PHACTR4: variants seen among roughly 807,000 people sequenced by gnomAD.
PHACTR4 encodes the protein protein phosphatase 1, regulatory subunit 124.
Under a neutral mutation model 72.7 loss-of-function variants are expected in PHACTR4, and 51 were observed. The observed-to-expected ratio is 0.70, with a 90% confidence interval of 0.56 to 0.89. The LOEUF is 0.89. PHACTR4 is among the 40% of genes least tolerant of loss of function. The pLI is 0.00. For synonymous variants in PHACTR4, 255 were observed against 302.5 expected, an observed-to-expected ratio of 0.84 and a Z score of 1.63; for missense variants, 731 against 861.8, an observed-to-expected ratio of 0.85 and a Z score of 1.90.
chr1:28,474,257 C>T (rs1659774745), intron 7 of PHACTR4, 106 bp downstream of exon 7: 2 of 1,051,004 alleles, frequency 1.9e-6, no homozygotes, highest in African/African-American at 1.6e-5. Flanking sequence ...TAGTGGCCCA[C>T]ACCTGTAAGC....
chr1:28,410,575 C>T (rs1364600611), intron 2 of PHACTR4, among the ~76,000 whole-genome samples: 2 of 151,958 alleles, frequency 1.3e-5, no homozygotes, highest in East Asian at 1.9e-4. Context: ...GGAGTATCAA[C>T]GTGAGAGTTG....
At position 28,444,749 on chromosome 1, in the gene PHACTR4, A is replaced by G. The variant is rs1288988652; in HGVS notation, c.17-14336A>G. Among the ~76,000 whole-genome samples the G allele has an allele frequency of 1.2e-3, 167 of 143,552 alleles. 1 individual carries two copies. Among genetic ancestry groups the G allele is most frequent in the African/African-American group, 3.5e-3 (137 of 38,732 alleles). 94.2% of individuals were successfully genotyped at this position (143,552 alleles called of 152,430 possible). On this transcript the variant is annotated intron_variant, in intron 2 of 13. Coordinates refer to ENST00000373839, the MANE Select transcript of PHACTR4 (RefSeq NM_001048183.3). ...TCCTGCCTCAGCCTCCCAAGTAGCT[A>G]GGACTACAGGCGCCTGCCACCGCAC...
At chr1:28,489,934 G>A (rs764609200) in intron 10 of PHACTR4, 1 of 517,088 alleles carries the variant, frequency 1.9e-6, no homozygotes, top group South Asian at 1.4e-5. Context: ...TTCTAGTGTG[G>A]GAGCCCTTAT....
rs1659708416 is a variant in PHACTR4 at position 28,473,453 on chromosome 1, T to C, written c.824-101T>C. 14 of 868,150 alleles carry C rather than the reference T, an allele frequency of 1.6e-5. No individual in the cohort carries two copies. The South Asian group carries it at 2.5e-4, about 15-fold the overall frequency. The allele number at this position is 868,150 out of a possible 1,614,324, so 53.8% of individuals were successfully genotyped here. A position where few individuals can be genotyped will look rare whatever the true frequency, so the allele number is the denominator to read the frequency against. ...AAACTATGAAATTATTTAACTTGCTTAAAAGATTAAAACTGAACTCAACTT... is the reference window on the plus strand; with the variant it reads ...AAACTATGAAATTATTTAACTTGCTCAAAAGATTAAAACTGAACTCAACTT... On this transcript the variant is annotated intron_variant, in intron 6 of 13. Transcript: ENST00000373839.
intron 1 of PHACTR4, among the ~76,000 whole-genome samples, chr1:28,386,862 T>C (rs1652595742): frequency 6.6e-6 from 1 of 152,166 alleles, no homozygotes; most frequent in South Asian, 2.1e-4. Flanking sequence ...ACACTAGTGT[T>C]GATGATGTGT....
intron 2 of PHACTR4, among the ~76,000 whole-genome samples, chr1:28,428,100 A>G (rs2124366101): frequency 6.6e-6 from 1 of 152,366 alleles, no homozygotes; most frequent in Non-Finnish European, 1.5e-5. Context: ...CATTGGTTGG[A>G]AGGGACTTGG....
At chr1:28,371,676 G>A (rs1651257354) in intron 1 of PHACTR4, among the ~76,000 whole-genome samples, 1 of 151,966 alleles carries the variant, frequency 6.6e-6, no homozygotes, top group Non-Finnish European at 1.5e-5. Context: ...ACTGCTCACT[G>A]CAGCCTGGAC....
At chr1:28,385,126 G>C (rs867345975) in intron 1 of PHACTR4, among the ~76,000 whole-genome samples, 9 of 152,080 alleles carry the variant, frequency 5.9e-5, no homozygotes, top group Non-Finnish European at 1.3e-4. Flanking sequence ...TGGATACTTA[G>C]TGCTCTAAAT....
intron 5 of PHACTR4, 40 bp downstream of exon 5, chr1:28,465,889 C>T (rs2124483416): frequency 6.4e-7 from 1 of 1,567,974 alleles, no homozygotes; most frequent in South Asian, 1.2e-5. Context: ...AGCCACGGGC[C>T]AGTTATTCTC....
intron 2 of PHACTR4, among the ~76,000 whole-genome samples, chr1:28,448,126 C>CT (rs1357972279): frequency 7.2e-5 from 11 of 152,234 alleles, no homozygotes; most frequent in African/African-American, 2.6e-4. Context: ...GCTAGGTGGG[C>CT]TTAAAAACAG....
chr1:28,461,849 C>CTTTTTT (rs142600648), intron 4 of PHACTR4, among the ~76,000 whole-genome samples: 1 of 144,214 alleles, frequency 6.9e-6, no homozygotes, highest in African/African-American at 2.7e-5. Flanking sequence ...TGTTTTCTTT[C>CTTTTTT]TTTCTTTTTT....
intron 1 of PHACTR4, among the ~76,000 whole-genome samples, chr1:28,371,162 G>C (rs1368303438): frequency 6.6e-6 from 1 of 152,194 alleles, no homozygotes; most frequent in African/African-American, 2.4e-5. Context: ...GCTGAAGCTT[G>C]AGTACAGTGG....
rs570651221 is a variant in PHACTR4, at chr1:28,475,919, G to T, written c.1422-188G>T. On this transcript the variant is annotated intron_variant, in intron 7 of 13. Coordinates refer to ENST00000373839, the MANE Select transcript of PHACTR4 (RefSeq NM_001048183.3). ...TTTTTGTATTTTTAGTAGACACAGG[G>T]TTTCACCATGTTGGCCAGGCTGGTC... 2.2e-3 allele frequency among the ~76,000 whole-genome samples: 338 copies of T among 151,882 alleles called. 1 individual carries two copies. Among genetic ancestry groups the T allele is most frequent in the Non-Finnish European group, 3.7e-3 (253 of 67,978 alleles).
chr1:28,462,294 C>G (rs893307619), intron 4 of PHACTR4, among the ~76,000 whole-genome samples: 2 of 152,110 alleles, frequency 1.3e-5, no homozygotes, highest in Non-Finnish European at 2.9e-5. Context: ...CAGGCGTGAG[C>G]CACCATGCCT....
At chr1:28,485,120 T>G (rs1660549417) in intron 9 of PHACTR4, among the ~76,000 whole-genome samples, 1 of 152,194 alleles carries the variant, frequency 6.6e-6, no homozygotes, top group East Asian at 1.9e-4. Context: ...ATGATTCCAC[T>G]TCTGCGAGGT....
chr1:28,459,017 G>A (rs1570020964), intron 2 of PHACTR4, 68 bp from the exon 3 acceptor site: 2 of 1,406,834 alleles, frequency 1.4e-6, no homozygotes, highest in East Asian at 2.3e-5. Flanking sequence ...GAGAGGGGAA[G>A]GGACATTTTA....
At chr1:28,443,354 T>C (rs1356710186) in intron 2 of PHACTR4, among the ~76,000 whole-genome samples, 1 of 152,082 alleles carries the variant, frequency 6.6e-6, no homozygotes. Context: ...CGATCTCGGC[T>C]CACTGCAACC....
chr1:28,369,805 G>T lies in PHACTR4; in HGVS notation c.-59G>T, dbSNP rs1305464926. 8.7e-6 allele frequency: 4 copies of T among 460,128 alleles called. No homozygotes were observed. Among genetic ancestry groups the T allele is most frequent in the South Asian group, 6.2e-5 (4 of 64,424 alleles). The allele number at this position is 460,128 out of a possible 1,614,324, so 28.5% of individuals were successfully genotyped here. A position where few individuals can be genotyped will look rare whatever the true frequency, so the allele number is the denominator to read the frequency against. On this transcript the variant is annotated 5_prime_UTR_variant, in exon 1 of 14. Coordinates refer to ENST00000373839, the MANE Select transcript of PHACTR4 (RefSeq NM_001048183.3). ...GGGAGAGGCTGCTGTGGAGGCTGAG[G>T]AGGCGGCGGCGGAGATCTGGGTAAG...
chr1:28,392,245 G>T (rs1653111548), intron 1 of PHACTR4, among the ~76,000 whole-genome samples: 1 of 152,082 alleles, frequency 6.6e-6, no homozygotes, highest in Non-Finnish European at 1.5e-5. Context: ...TCTCCACACT[G>T]AGTCTGCTAC....
Sources: gnomAD v4.1 joint callset for allele counts (sites outside exome capture counted in the v4.1 genomes callset) on GRCh38, gnomAD v4.1.1 for gene constraint, MANE v1.5 for transcripts, NCBI Gene and HGNC (gene_info 2026-07-23, HGNC 2026-07-21) for gene names.